TMC1: variants seen among roughly 807,000 people sequenced by gnomAD.
TMC1 encodes the protein transmembrane channel-like protein 1.
TMC1 carries 84 observed loss-of-function variants against 105.8 expected under a neutral mutation model. The ratio of observed to expected loss-of-function variants is 0.79; its 90% confidence interval spans 0.67 to 0.95. TMC1 has a LOEUF of 0.95. Among genes scored for constraint, TMC1 ranks in the 40% least tolerant of loss-of-function variants. The pLI, the probability that TMC1 is intolerant of heterozygous loss-of-function variation, is 0.00. For synonymous variants in TMC1, 315 were observed against 311.5 expected (o/e 1.01, Z -0.12); for missense variants, 817 against 914.1 (o/e 0.89, Z 1.37).
rs909923878 is a variant in TMC1, at chr9:72,798,925, GA to G, written c.1567-6449del. Among the ~76,000 whole-genome samples the G allele has an allele frequency of 1.5e-3, 221 of 150,832 alleles. 1 individual carries two copies. The highest frequency in any genetic ancestry group is 5.0e-3 in the African/African-American group (208 of 41,194). On this transcript the variant is annotated intron_variant, in intron 17 of 23. Coordinates refer to ENST00000297784, the MANE Select transcript of TMC1 (RefSeq NM_138691.3). ...TTTGTTAAATAATTTTCCCTTAAAA[GA>G]AAAAAAATACTATTTTAAGTTATTT...
intron 5 of TMC1, among the ~76,000 whole-genome samples, chr9:72,658,193 A>G (rs1825911392): frequency 6.6e-6 from 1 of 152,210 alleles, no homozygotes; most frequent in Admixed American, 6.5e-5. Flanking sequence ...AGATGGAACA[A>G]ATACTTAGAA....
rs200052749 is a variant in TMC1 at position 72,836,011 on chromosome 9, T to G, written c.*38T>G. 6.3e-7 allele frequency: 1 copy of G among 1,577,326 alleles called. No homozygotes were observed. Among genetic ancestry groups the G allele is most frequent in the African/African-American group, 1.4e-5 (1 of 73,516 alleles). On this transcript the variant is annotated 3_prime_UTR_variant, in exon 24 of 24. Transcript: ENST00000297784. ...GAGCCCAGAAAAGGTACACTTTGCC[T>G]TGCTGTTTAAAAGTAATGCAATATG... is the stretch of plus-strand genomic sequence containing the variant.
intron 2 of TMC1, among the ~76,000 whole-genome samples, chr9:72,590,515 A>G (rs1473474894): frequency 6.6e-6 from 1 of 152,222 alleles, no homozygotes; most frequent in Admixed American, 6.5e-5. Flanking sequence ...ATTTTGGCAA[A>G]TCACACAAAT....
intron 1 of TMC1, among the ~76,000 whole-genome samples, chr9:72,549,853 C>T (rs562236158): frequency 2.6e-5 from 4 of 151,678 alleles, no homozygotes; most frequent in African/African-American, 9.7e-5. Flanking sequence ...ACCTCGTGAT[C>T]CACCCACCTT....
At position 72,744,707 on chromosome 9, in the gene TMC1, T is replaced by G. The variant is rs1285701271; in HGVS notation, c.535+2182T>G. Among the ~76,000 whole-genome samples the G allele has an allele frequency of 2.6e-5, 4 of 152,206 alleles. No individual in the cohort carries two copies. The East Asian group carries it at 7.7e-4, about 29-fold the overall frequency. ...TGTTAGATAAATCCCAAGAAATTTG[T>G]AATTAATGATAGGTAAATATATACA... On this transcript the variant is annotated intron_variant, in intron 10 of 23. Transcript: ENST00000297784.
intron 15 of TMC1, among the ~76,000 whole-genome samples, chr9:72,790,952 C>T (rs967572862): frequency 6.6e-6 from 1 of 152,056 alleles, no homozygotes; most frequent in Non-Finnish European, 1.5e-5. Context: ...ATTCACACCA[C>T]GAAGTCCACA....
chr9:72,654,912 T>G (rs559423900), intron 5 of TMC1, among the ~76,000 whole-genome samples: 1 of 152,302 alleles, frequency 6.6e-6, no homozygotes, highest in South Asian at 2.1e-4. Context: ...TATCTGAACT[T>G]CTGTATGTCT....
chr9:72,663,464 T>A (rs1052131813), intron 5 of TMC1, among the ~76,000 whole-genome samples: 21 of 152,182 alleles, frequency 1.4e-4, no homozygotes, highest in African/African-American at 4.8e-4. Flanking sequence ...GGGGTTTATT[T>A]AAGGAAAGGG....
At chr9:72,576,618 C>CTTTTTTTT (rs71357588) in intron 1 of TMC1, among the ~76,000 whole-genome samples, 1 of 135,148 alleles carries the variant, frequency 7.4e-6, no homozygotes, top group African/African-American at 2.8e-5. Flanking sequence ...CTCCCAATTT[C>CTTTTTTTT]TTTTTTTTTT....
chr9:72,531,529 A>G (rs1008082017), intron 1 of TMC1, among the ~76,000 whole-genome samples: 3 of 152,214 alleles, frequency 2.0e-5, no homozygotes, highest in South Asian at 2.1e-4. Flanking sequence ...TGTCCCTGCT[A>G]TATGATTTAT....
At chr9:72,707,483 T>G (rs1278080641) in intron 8 of TMC1, among the ~76,000 whole-genome samples, 1 of 152,192 alleles carries the variant, frequency 6.6e-6, no homozygotes, top group Non-Finnish European at 1.5e-5. Context: ...TACATTGTGG[T>G]TTTGATTTCC....
In TMC1 at chr9:72,823,535, A is replaced by G. The variant is rs540714384; in HGVS notation, c.2003+2454A>G. Among the ~76,000 whole-genome samples, 29 of 152,316 alleles carry G rather than the reference A, an allele frequency of 1.9e-4. No homozygotes were observed. In the East Asian group the frequency reaches 3.7e-3, roughly 19 times the overall value. The stretch of plus-strand genomic sequence containing the variant: ...GCTATAGTATATTTATCCATTCAGT[A>G]AAGCAATTTGATGAGATATTCTAGC... On this transcript the variant is annotated intron_variant, in intron 20 of 23. Coordinates refer to ENST00000297784, the MANE Select transcript of TMC1 (RefSeq NM_138691.3).
At position 72,756,728 on chromosome 9, in the gene TMC1, ATTT is replaced by A. The variant is rs1250287854; in HGVS notation, c.741+1847_741+1849del. ...AAAAATATGAACAAAAGGTCTTTTG[ATTT>A]TTATATATAGATTTCTGAAGTTTAA... On this transcript the variant is annotated intron_variant, in intron 12 of 23. Transcript: ENST00000297784. Among the ~76,000 whole-genome samples, 3 of 152,282 alleles carry A rather than the reference ATTT, an allele frequency of 2.0e-5. No homozygotes were observed. In the East Asian group the frequency reaches 5.8e-4, roughly 29 times the overall value.
At chr9:72,658,346 A>C (rs1825914977) in intron 5 of TMC1, among the ~76,000 whole-genome samples, 2 of 152,148 alleles carry the variant, frequency 1.3e-5, no homozygotes, top group South Asian at 4.1e-4. Flanking sequence ...AAAAAAAAAA[A>C]AACTATGGTT....
chr9:72,615,066 T>C (rs1202150976), intron 2 of TMC1, among the ~76,000 whole-genome samples: 4 of 152,194 alleles, frequency 2.6e-5, no homozygotes, highest in Non-Finnish European at 5.9e-5. Context: ...ATAAGTATAA[T>C]TGAAATATTA....
rs1824412166 is a variant in TMC1, at chr9:72,577,956, C to T, written c.-373C>T. ...AGTGCAGTGGTGCGATCTCGGCTCT[C>T]TGCAACCTCCGCCTCCCAGGTTCAA... On this transcript the variant is annotated 5_prime_UTR_variant, in exon 2 of 24. Coordinates refer to ENST00000297784, the MANE Select transcript of TMC1 (RefSeq NM_138691.3). The T allele has an allele frequency of 6.6e-6, 1 of 152,226 alleles. No homozygotes were observed. Among genetic ancestry groups the T allele is most frequent in the Non-Finnish European group, 1.5e-5 (1 of 68,100 alleles). 9.4% of individuals were successfully genotyped at this position (152,226 alleles called of 1,614,324 possible). A position where few individuals can be genotyped will look rare whatever the true frequency, so the allele number is the denominator to read the frequency against.
chr9:72,596,443 G>A (rs1205323274), intron 2 of TMC1, among the ~76,000 whole-genome samples: 1 of 149,496 alleles, frequency 6.7e-6, no homozygotes. Flanking sequence ...GCCATATGCA[G>A]CCCCACCATG....
chr9:72,798,505 G>A (rs968519082), intron 17 of TMC1, among the ~76,000 whole-genome samples: 7 of 152,042 alleles, frequency 4.6e-5, no homozygotes, highest in African/African-American at 1.7e-4. Context: ...GATATACCAT[G>A]GAATATTATG....
intron 19 of TMC1, chr9:72,817,106 C>T (rs1483684085): frequency 6.6e-6 from 1 of 152,052 alleles, no homozygotes; most frequent in African/African-American, 2.4e-5. Context: ...ATTATTAAAC[C>T]TTTGGGTGCT....
Sources: allele counts gnomAD v4.1 joint callset (sites outside exome capture counted in the v4.1 genomes callset), GRCh38; gene constraint gnomAD v4.1.1; transcripts MANE v1.5; gene names NCBI Gene and HGNC (gene_info 2026-07-23, HGNC 2026-07-21).